The following CSF2RB variants were observed in gnomAD, a reference collection of about 807,000 sequenced individuals.
CSF2RB encodes the protein cytokine receptor common subunit beta.
Under a neutral mutation model 67.2 loss-of-function variants are expected in CSF2RB, and 22 were observed. That is an observed-to-expected ratio of 0.33 (90% CI 0.23 to 0.47). The LOEUF (loss-of-function observed/expected upper bound fraction) is 0.47. Among genes scored for constraint, CSF2RB ranks in the 20% least tolerant of loss-of-function variants. CSF2RB has a pLI of 1.00. For synonymous variants in CSF2RB, 507 were observed against 482.9 expected (o/e 1.05, Z -0.65); for missense variants, 1,113 against 1,174.5 (o/e 0.95, Z 0.76).
Position 36,939,410 on chromosome 22 carries a change from G to T in CSF2RB, c.*908G>T. On this transcript the variant is annotated 3_prime_UTR_variant, in exon 14 of 14. Transcript: ENST00000403662. ...TGCTTTAGGGCCTTTGGTCCAAATG[G>T]CCCGGGTGGCCACTCTTCCAGATAG... 1.6e-6 allele frequency: 1 copy of T among 607,600 alleles called. No individual in the cohort carries two copies. Among genetic ancestry groups the T allele is most frequent in the African/African-American group, 1.8e-5 (1 of 54,370 alleles). The allele number at this position is 607,600 out of a possible 1,614,324, so 37.6% of individuals were successfully genotyped here.
At chr22:36,922,499 G>C in intron 2 of CSF2RB, 1 of 603,640 alleles carries the variant, frequency 1.7e-6, no homozygotes, top group Non-Finnish European at 3.0e-6. Context: ...AGCGTGTCTG[G>C]CTTCCTTGCC....
intron 3 of CSF2RB, among the ~76,000 whole-genome samples, chr22:36,924,759 G>C (rs952107366): frequency 2.0e-5 from 3 of 152,130 alleles, no homozygotes; most frequent in Non-Finnish European, 4.4e-5. Flanking sequence ...GAGGACCACC[G>C]CGGCCTCCCT....
At position 36,929,691 on chromosome 22, in the gene CSF2RB, A is replaced by G; in HGVS notation, c.602A>G (p.His201Arg). Residue 201 changes from histidine (H) to arginine (R), a missense_variant, in exon 6 of 14, where the codon CAC becomes CGC. This residue lies in a region of CSF2RB where 559 missense variants were observed against 656.5 expected (regional missense o/e 0.85). Coordinates refer to ENST00000403662, the MANE Select transcript of CSF2RB (RefSeq NM_000395.3). ...TCCCAGGCCACCCTGGGGCCAGAGC[A>G]CCTCATGCCCAGCAGCACCTACGTG... ...NTSQATLGPEHLMPSSTYVAR... is the reference protein window; with the variant it reads ...NTSQATLGPERLMPSSTYVAR... 1.9e-6 allele frequency: 3 copies of G among 1,614,082 alleles called. No homozygotes were observed. The highest frequency in any genetic ancestry group is 2.5e-6 in the Non-Finnish European group (3 of 1,180,004).
intron 1 of CSF2RB, among the ~76,000 whole-genome samples, chr22:36,920,483 C>T (rs967905018): frequency 1.3e-5 from 2 of 152,178 alleles, no homozygotes; most frequent in Admixed American, 6.5e-5. Context: ...TGAATCTGCC[C>T]GCACCTTGAT....
chr22:36,917,204 T>C (rs1940740163), intron 1 of CSF2RB, among the ~76,000 whole-genome samples: 1 of 152,176 alleles, frequency 6.6e-6, no homozygotes, highest in South Asian at 2.1e-4. Flanking sequence ...TTTAATCCGT[T>C]CATCTGTTTG....
At chr22:36,919,476 A>G (rs1339430808) in intron 1 of CSF2RB, among the ~76,000 whole-genome samples, 3 of 151,798 alleles carry the variant, frequency 2.0e-5, no homozygotes, top group Non-Finnish European at 4.4e-5. Context: ...GTCTCAGCTC[A>G]CTGCAACCTC....
chr22:36,930,680 G>T lies in CSF2RB; in HGVS notation c.862G>T (p.Glu288Ter), dbSNP rs1569136140. Residue 288 changes from glutamate (E) to a stop codon, truncating the protein, a stop_gained, in exon 8 of 14, where the codon GAG (glutamate) becomes TAG (stop). Coordinates refer to ENST00000403662, the MANE Select transcript of CSF2RB (RefSeq NM_000395.3). LOFTEE classifies it high-confidence loss of function. ...YKPSPDAGEE[E>*]CSPVLREGLG... The stretch of plus-strand genomic sequence containing the variant: ...CTCTGCTGTGCTCCTCAGGGAGGAA[G>T]AGTGCTCCCCAGTGCTGAGGGAGGG... The T allele has an allele frequency of 1.2e-6, 2 of 1,612,676 alleles. No homozygotes were observed. Among genetic ancestry groups the T allele is most frequent in the Non-Finnish European group, 8.5e-7 (1 of 1,180,024 alleles).
At chr22:36,936,423 G>A in intron 12 of CSF2RB, 126 bp from the exon 13 acceptor site, 1 of 779,388 alleles carries the variant, frequency 1.3e-6, no homozygotes, top group South Asian at 1.5e-5. Flanking sequence ...GGCCAGTCCT[G>A]AAGAAGTGGA....
Position 36,930,787 on chromosome 22 carries a change from T to C in CSF2RB, c.969T>C (p.Val323=), listed in dbSNP as rs1941133538. 6.2e-7 allele frequency: 1 copy of C among 1,614,002 alleles called. No homozygotes were observed. The highest frequency in any genetic ancestry group is 1.3e-5 in the African/African-American group (1 of 74,896). ...CCCACGGCCAATACATCGTCTCTGTTCAGCCAAGGAGGGCAGAGAAACACA... is the reference window on the plus strand; with the variant it reads ...CCCACGGCCAATACATCGTCTCTGTCCAGCCAAGGAGGGCAGAGAAACACA... ...PATHGQYIVS[V]QPRRAEKHIK... Residue 323 remains valine, a synonymous_variant, in exon 8 of 14, where the codon GTT becomes GTC. Transcript: ENST00000403662.
intron 3 of CSF2RB, chr22:36,923,826 C>T: frequency 7.9e-7 from 1 of 1,269,000 alleles, no homozygotes; most frequent in Non-Finnish European, 1.0e-6. Context: ...AGGTGAGGTG[C>T]CAGCCCTGGC....
At chr22:36,918,406 G>A (rs1940772485) in intron 1 of CSF2RB, among the ~76,000 whole-genome samples, 1 of 152,156 alleles carries the variant, frequency 6.6e-6, no homozygotes, top group Non-Finnish European at 1.5e-5. Flanking sequence ...TGCATTCAAA[G>A]TATCCTATTT....
intron 12 of CSF2RB, 137 bp downstream of exon 12, chr22:36,935,824 G>C (rs549273034): frequency 3.0e-4 from 285 of 965,800 alleles, no homozygotes; most frequent in Non-Finnish European, 4.4e-4. Context: ...GGAGCTTTGG[G>C]AGTGGGGCCA....
chr22:36,925,239 C>A (rs887734462), intron 3 of CSF2RB, among the ~76,000 whole-genome samples: 2 of 152,164 alleles, frequency 1.3e-5, no homozygotes, highest in Non-Finnish European at 1.5e-5. Context: ...TGCTGCCAAC[C>A]TTATCTCAAG....
chr22:36,923,441 T>C, intron 3 of CSF2RB, 74 bp downstream of exon 3: 1 of 1,570,988 alleles, frequency 6.4e-7, no homozygotes, highest in Non-Finnish European at 8.7e-7. Flanking sequence ...GGCGACAGTG[T>C]AGAGAGGGAC....
chr22:36,938,024 A>G lies in CSF2RB; in HGVS notation c.2216A>G (p.Asp739Gly). 6.2e-7 allele frequency: 1 copy of G among 1,613,798 alleles called. No individual in the cohort carries two copies. The highest frequency in any genetic ancestry group is 8.5e-7 in the Non-Finnish European group (1 of 1,179,924). The change falls in exon 14 of 14, where the codon GAC becomes GGC. Residue 739 changes from aspartate (D) to glycine (G), a missense_variant. By Grantham distance (94) the Asp-to-Gly change is moderately conservative (BLOSUM62 -1). Transcript: ENST00000403662. ...GTTCCCTCTCTGGGCCTCCCCTCAG[A>G]CCAGACCCCCAGCTTATGTCCTGGG... Reference protein sequence around the residue: ...SLVPSLGLPSDQTPSLCPGLA... With the variant: ...SLVPSLGLPSGQTPSLCPGLA...
chr22:36,923,229 T>C lies in CSF2RB; in HGVS notation c.77-15T>C. 6.2e-7 allele frequency: 1 copy of C among 1,614,098 alleles called. No individual in the cohort carries two copies. The highest frequency in any genetic ancestry group is 8.5e-7 in the Non-Finnish European group (1 of 1,179,982). On this transcript the variant is annotated splice_polypyrimidine_tract_variant and intron_variant, in intron 2 of 13. Transcript: ENST00000403662. ...GCAGGAAAGAGAGGTGACCCCCTTC[T>C]ACCCCTCTTGTCAGAAACCATCCCG...
intron 9 of CSF2RB, 83 bp downstream of exon 9, chr22:36,932,987 G>A (rs866619609): frequency 5.1e-6 from 8 of 1,566,236 alleles, no homozygotes; most frequent in Non-Finnish European, 7.0e-6. Context: ...CACCTGCAAG[G>A]CGTCGGGCCC....
At position 36,916,917 on chromosome 22, in the gene CSF2RB, T is replaced by C. The variant is rs544367692; in HGVS notation, c.-173+3240T>C. On this transcript the variant is annotated intron_variant, in intron 1 of 13. Transcript: ENST00000403662. ...ATTAAATTCCTTTTTGGAATTTTCA[T>C]GTTGATTGCATTGAATTTAGAGATG... 3.3e-5 allele frequency among the ~76,000 whole-genome samples: 5 copies of C among 152,264 alleles called. No homozygotes were observed. In the East Asian group the frequency reaches 9.6e-4, roughly 29 times the overall value.
At chr22:36,925,081 G>A (rs1940981220) in intron 3 of CSF2RB, among the ~76,000 whole-genome samples, 1 of 152,358 alleles carries the variant, frequency 6.6e-6, no homozygotes, top group Non-Finnish European at 1.5e-5. Flanking sequence ...TCTCACCCGA[G>A]CTGCGCTGCT....
Sources: allele counts gnomAD v4.1 joint callset (sites outside exome capture counted in the v4.1 genomes callset), GRCh38; gene constraint gnomAD v4.1.1; regional missense constraint gnomAD v4.1.1; transcripts MANE v1.5; gene names NCBI Gene and HGNC (gene_info 2026-07-23, HGNC 2026-07-21).